AGO3: variants seen among roughly 807,000 people sequenced by gnomAD.
AGO3 encodes the protein protein argonaute-3.
Under a neutral mutation model 105.5 loss-of-function variants are expected in AGO3, and 16 were observed. The ratio of observed to expected loss-of-function variants is 0.15; its 90% CI spans 0.10 to 0.23. The LOEUF is 0.23. Ranked by LOEUF, AGO3 falls within the 10% of genes least tolerant of loss-of-function variation. The pLI is 1.00. For missense variants in AGO3, 534 were observed against 1,088.0 expected, an observed-to-expected ratio of 0.49 and a Z score of 7.16; for synonymous variants, 340 against 367.3, an observed-to-expected ratio of 0.93 and a Z score of 0.85.
chr1:35,975,308 G>A (rs1646936720), intron 5 of AGO3, among the ~76,000 whole-genome samples: 1 of 152,020 alleles, frequency 6.6e-6, no homozygotes, highest in Non-Finnish European at 1.5e-5. Flanking sequence ...GTTTTCTTGT[G>A]TCTTCTTAAT....
chr1:35,939,732 C>T (rs1367895900), intron 1 of AGO3, among the ~76,000 whole-genome samples: 1 of 151,940 alleles, frequency 6.6e-6, no homozygotes, highest in Non-Finnish European at 1.5e-5. Context: ...AGGAAATGGC[C>T]ATTTCTCTCT....
At position 36,009,008 on chromosome 1, in the gene AGO3, C is replaced by T. The variant is rs778216960; in HGVS notation, c.993C>T (p.Val331=). The T allele has an allele frequency of 1.1e-5, 18 of 1,596,200 alleles. No individual in the cohort carries two copies. Among genetic ancestry groups the T allele is most frequent in the South Asian group, 3.4e-5 (3 of 88,650 alleles). Residue 331 remains valine, a synonymous_variant, in exon 8 of 19, where the codon GTC becomes GTT. Transcript: ENST00000373191. The part of the protein sequence containing the change: ...LKYPHLPCLQ[V]GQEQKHTYLP... Reference sequence around the variant, plus strand: ...ACCCGCACCTTCCCTGTCTGCAAGTCGGGCAGGAACAGAAACACACCTACC... The same window carrying T: ...ACCCGCACCTTCCCTGTCTGCAAGTTGGGCAGGAACAGAAACACACCTACC...
intron 9 of AGO3, among the ~76,000 whole-genome samples, chr1:36,009,932 C>CTTTTT (rs58385070): frequency 6.9e-5 from 4 of 58,200 alleles, no homozygotes; most frequent in Non-Finnish European, 1.2e-4. Flanking sequence ...TACTAAAATT[C>CTTTTT]TTTTTTTTTT....
intron 5 of AGO3, among the ~76,000 whole-genome samples, chr1:35,986,735 C>T (rs551132840): frequency 1.3e-5 from 2 of 152,010 alleles, no homozygotes; most frequent in Non-Finnish European, 2.9e-5. Context: ...GTGGCTCAGA[C>T]CTGTAATCCC....
At chr1:35,973,744 C>A (rs1247914946) in intron 5 of AGO3, among the ~76,000 whole-genome samples, 1 of 152,102 alleles carries the variant, frequency 6.6e-6, no homozygotes, top group African/African-American at 2.4e-5. Context: ...GATTTAAAAG[C>A]CCTGATGATT....
At position 36,039,902 on chromosome 1, in the gene AGO3, T is replaced by C. The variant is rs776960940; in HGVS notation, c.1955T>C (p.Ile652Thr). The change falls in exon 15 of 19, where the codon ATT becomes ACT. Residue 652 changes from isoleucine to threonine, a missense_variant. Physicochemically the swap from Ile to Thr is moderately conservative, Grantham distance 89. This residue lies in a region of AGO3 where 373 missense variants were observed against 854.0 expected (regional missense o/e 0.44). Transcript: ENST00000373191. ...DLASMVRELL[I>T]QFYKSTRFKP... ...GCCTCCATGGTCCGGGAACTTCTTA[T>C]TCAATTTTATAAGTCAACTCGGTTC... The C allele has an allele frequency of 6.2e-7, 1 of 1,614,098 alleles. No homozygotes were observed. Among genetic ancestry groups the C allele is most frequent in the Non-Finnish European group, 8.5e-7 (1 of 1,179,998 alleles).
At chr1:36,038,220 C>T (rs1220950762) in intron 14 of AGO3, among the ~76,000 whole-genome samples, 1 of 148,410 alleles carries the variant, frequency 6.7e-6, no homozygotes, top group Non-Finnish European at 1.5e-5. Context: ...CTTTGTGAGG[C>T]ATTTTGTTCC....
intron 12 of AGO3, among the ~76,000 whole-genome samples, chr1:36,030,589 T>TTATA (rs1641729479): frequency 6.6e-6 from 1 of 152,052 alleles, no homozygotes; most frequent in Non-Finnish European, 1.5e-5. Context: ...CATATTTAAA[T>TTATA]ATTATAATAC....
chr1:36,036,924 G>C (rs553441633), intron 14 of AGO3, among the ~76,000 whole-genome samples: 2 of 152,166 alleles, frequency 1.3e-5, no homozygotes, highest in South Asian at 4.1e-4. Flanking sequence ...TTGAACTCCT[G>C]ATCTCGGTCA....
chr1:36,013,668 G>A lies in AGO3; in HGVS notation c.1188G>A (p.Gln396=), dbSNP rs908732117. The A allele has an allele frequency of 1.9e-6, 3 of 1,614,024 alleles. No individual in the cohort carries two copies. The highest frequency in any genetic ancestry group is 1.3e-5 in the African/African-American group (1 of 74,918). The change falls in exon 10 of 19, where the codon CAG becomes CAA. Residue 396 remains glutamine, a synonymous_variant. Coordinates refer to ENST00000373191, the MANE Select transcript of AGO3 (RefSeq NM_024852.4). The part of the protein sequence containing the change: ...SANYETDPFV[Q]EFQFKVRDEM... ...ATTATGAAACAGATCCATTTGTTCA[G>A]GAGTTTCAATTTAAAGTTCGGGATG...
intron 11 of AGO3, among the ~76,000 whole-genome samples, chr1:36,022,062 CTTTTT>C (rs34538981): frequency 2.7e-5 from 3 of 110,298 alleles, no homozygotes; most frequent in Admixed American, 1.1e-4. Flanking sequence ...AGTTGGGGGC[CTTTTT>C]TTTTTTTTTT....
intron 5 of AGO3, among the ~76,000 whole-genome samples, chr1:35,990,664 C>T (rs1647550859): frequency 6.6e-6 from 1 of 152,086 alleles, no homozygotes. Context: ...GTTAGAAGTT[C>T]ACACTGCTGC....
intron 5 of AGO3, chr1:35,982,680 G>A (rs1237774040): frequency 2.8e-6 from 2 of 717,024 alleles, no homozygotes; most frequent in Non-Finnish European, 2.6e-6. Flanking sequence ...AATCTGAGAA[G>A]CCAGTTAGGA....
chr1:35,954,591 T>TA (rs1646531587), intron 2 of AGO3, among the ~76,000 whole-genome samples: 1 of 152,238 alleles, frequency 6.6e-6, no homozygotes, highest in Non-Finnish European at 1.5e-5. Context: ...TACGGAAACT[T>TA]AAAGATCATT....
At position 35,931,290 on chromosome 1, in the gene AGO3, G is replaced by A. The variant is rs1161795232; in HGVS notation, c.-137G>A. ...AGAGCTTTCGGAGTGCGGTTGCTCA[G>A]GGGAAGCCGTCGCCGCCCCCGCCTC... On this transcript the variant is annotated 5_prime_UTR_variant, in exon 1 of 19. Transcript: ENST00000373191. 1.1e-5 allele frequency: 8 copies of A among 704,986 alleles called. No homozygotes were observed. Among genetic ancestry groups the A allele is most frequent in the Non-Finnish European group, 1.5e-5 (7 of 470,802 alleles). 43.7% of individuals were successfully genotyped at this position (704,986 alleles called of 1,614,324 possible). A position where few individuals can be genotyped will look rare whatever the true frequency, so the allele number is the denominator to read the frequency against.
intron 1 of AGO3, among the ~76,000 whole-genome samples, chr1:35,937,259 C>T (rs187831332): frequency 4.3e-4 from 66 of 151,986 alleles, no homozygotes; most frequent in Non-Finnish European, 7.4e-4. Flanking sequence ...AAAAATTAGC[C>T]GGGCATAGTG....
intron 2 of AGO3, among the ~76,000 whole-genome samples, chr1:35,949,945 A>G (rs568238391): frequency 6.6e-6 from 1 of 152,030 alleles, no homozygotes; most frequent in Non-Finnish European, 1.5e-5. Flanking sequence ...TATATTGGCC[A>G]GGCATGGTAG....
chr1:35,996,891 T>C (rs1048221788), intron 5 of AGO3, among the ~76,000 whole-genome samples: 1 of 152,128 alleles, frequency 6.6e-6, no homozygotes, highest in Non-Finnish European at 1.5e-5. Flanking sequence ...CGTACTAGAT[T>C]GACTAAATTT....
chr1:35,997,983 C>T (rs1639919721), intron 5 of AGO3, among the ~76,000 whole-genome samples: 2 of 151,952 alleles, frequency 1.3e-5, no homozygotes, highest in Non-Finnish European at 2.9e-5. Flanking sequence ...ATTTGTTTGT[C>T]AATTATAAAT....
Sources: gnomAD v4.1 joint callset for allele counts (sites outside exome capture counted in the v4.1 genomes callset) on GRCh38, gnomAD v4.1.1 for gene constraint, gnomAD v4.1.1 regional missense constraint, MANE v1.5 for transcripts, NCBI Gene and HGNC (gene_info 2026-07-23, HGNC 2026-07-21) for gene names.